Variants in RABGAP1L observed in about 807,000 individuals in gnomAD.
The protein encoded by RABGAP1L is rab GTPase-activating protein 1-like.
In RABGAP1L, 63 loss-of-function variants were observed where a neutral mutation model predicts 137.7. The observed-to-expected ratio is 0.46, with a 90% CI of 0.37 to 0.56. RABGAP1L has a LOEUF of 0.56. Among genes scored for constraint, RABGAP1L ranks in the 20% least tolerant of loss-of-function variants. The pLI is 0.00. For missense variants in RABGAP1L, 1,095 were observed against 1,244.0 expected (o/e 0.88, Z 1.80); for synonymous variants, 431 against 433.7 (o/e 0.99, Z 0.08).
intron 13 of RABGAP1L, among the ~76,000 whole-genome samples, chr1:174,538,900 G>A (rs1164850176): frequency 6.6e-6 from 1 of 152,094 alleles, no homozygotes; most frequent in African/African-American, 2.4e-5. Context: ...TGGTAAATTT[G>A]TCTTAAAATT....
chr1:174,916,007 C>T (rs1660805388), intron 19 of RABGAP1L, among the ~76,000 whole-genome samples: 1 of 147,168 alleles, frequency 6.8e-6, no homozygotes, highest in Non-Finnish European at 1.5e-5. Context: ...AAGACTTTCT[C>T]TTATGTTTTC....
chr1:174,645,606 A>G (rs1674903576), intron 14 of RABGAP1L, among the ~76,000 whole-genome samples: 1 of 151,970 alleles, frequency 6.6e-6, no homozygotes, highest in Admixed American at 6.6e-5. Flanking sequence ...CATTTTCTTT[A>G]TCCAGTCTAT....
At chr1:174,383,122 C>G (rs1420909314) in intron 12 of RABGAP1L, among the ~76,000 whole-genome samples, 9 of 150,504 alleles carry the variant, frequency 6.0e-5, no homozygotes, top group Middle Eastern at 3.4e-3. Flanking sequence ...GGTCAGGGAC[C>G]CACTTGAGGA....
chr1:174,940,655 G>T (rs1665713410), intron 19 of RABGAP1L, among the ~76,000 whole-genome samples: 2 of 151,982 alleles, frequency 1.3e-5, no homozygotes, highest in Non-Finnish European at 2.9e-5. Flanking sequence ...AACCAGTCTT[G>T]ATCCTTTTAC....
At chr1:174,754,997 G>T (rs1573040327) in intron 18 of RABGAP1L, among the ~76,000 whole-genome samples, 1 of 152,184 alleles carries the variant, frequency 6.6e-6, no homozygotes, top group African/African-American at 2.4e-5. Flanking sequence ...TTGTAGAATA[G>T]TAATGGTATT....
chr1:174,617,614 G>T (rs1436642461), intron 13 of RABGAP1L, among the ~76,000 whole-genome samples: 1 of 152,138 alleles, frequency 6.6e-6, no homozygotes, highest in African/African-American at 2.4e-5. Flanking sequence ...TTATAAAAGG[G>T]CATACAATGG....
intron 19 of RABGAP1L, among the ~76,000 whole-genome samples, chr1:174,887,955 T>C (rs1655444093): frequency 6.6e-6 from 1 of 151,994 alleles, no homozygotes; most frequent in Non-Finnish European, 1.5e-5. Context: ...GAGAATTGCT[T>C]GAACCTGGGA....
At chr1:174,169,949 A>T (rs549870451) in intron 1 of RABGAP1L, among the ~76,000 whole-genome samples, 1 of 152,310 alleles carries the variant, frequency 6.6e-6, no homozygotes, top group South Asian at 2.1e-4. Context: ...CCTTCCAAGC[A>T]TTGGAATTAC....
intron 13 of RABGAP1L, among the ~76,000 whole-genome samples, chr1:174,577,143 C>T (rs1401777710): frequency 1.3e-5 from 2 of 151,138 alleles, no homozygotes; most frequent in Admixed American, 1.3e-4. Flanking sequence ...TATGATAGCT[C>T]CATGATAGCA....
At chr1:174,352,470 C>A (rs1683284316) in intron 11 of RABGAP1L, among the ~76,000 whole-genome samples, 1 of 152,046 alleles carries the variant, frequency 6.6e-6, no homozygotes, top group Non-Finnish European at 1.5e-5. Flanking sequence ...ATTCTGAATT[C>A]TTTCTCTTTG....
intron 12 of RABGAP1L, among the ~76,000 whole-genome samples, chr1:174,377,012 T>G (rs1685606039): frequency 1.3e-5 from 2 of 152,242 alleles, no homozygotes; most frequent in South Asian, 4.1e-4. Context: ...TTTTACAATG[T>G]TAAAAGATAC....
intron 13 of RABGAP1L, among the ~76,000 whole-genome samples, chr1:174,488,059 T>C (rs1055734601): frequency 6.6e-6 from 1 of 152,162 alleles, no homozygotes; most frequent in Non-Finnish European, 1.5e-5. Flanking sequence ...GAGAAGTTTA[T>C]ATACCACAGT....
chr1:174,756,875 C>T (rs536984466), intron 18 of RABGAP1L: 14 of 625,538 alleles, frequency 2.2e-5, no homozygotes, highest in African/African-American at 3.7e-5. Flanking sequence ...ACACCACTCT[C>T]GAAGGCATCT....
At chr1:174,625,378 T>C (rs931519160) in intron 13 of RABGAP1L, among the ~76,000 whole-genome samples, 1 of 152,182 alleles carries the variant, frequency 6.6e-6, no homozygotes, top group African/African-American at 2.4e-5. Context: ...GTTTGTACTA[T>C]TCAGCAAACA....
chr1:174,253,475 A>G (rs1014584728), intron 7 of RABGAP1L, among the ~76,000 whole-genome samples: 11 of 152,170 alleles, frequency 7.2e-5, no homozygotes, highest in Non-Finnish European at 1.0e-4. Flanking sequence ...AAATAAAAGT[A>G]TCACTATTTA....
chr1:174,541,265 A>C (rs1483536942), intron 13 of RABGAP1L, among the ~76,000 whole-genome samples: 1 of 152,074 alleles, frequency 6.6e-6, no homozygotes, highest in African/African-American at 2.4e-5. Context: ...CCCTTTTCCT[A>C]ATTGAATATC....
chr1:174,960,058 T>C (rs917948649), intron 20 of RABGAP1L, among the ~76,000 whole-genome samples: 5 of 152,286 alleles, frequency 3.3e-5, no homozygotes, highest in African/African-American at 4.8e-5. Context: ...TTTGAGGGCA[T>C]TGAGTGAGAA....
At chr1:174,584,055 G>A (rs1668936342) in intron 13 of RABGAP1L, among the ~76,000 whole-genome samples, 1 of 152,076 alleles carries the variant, frequency 6.6e-6, no homozygotes, top group Non-Finnish European at 1.5e-5. Context: ...GTCAGCCTCA[G>A]TGCTTGTCCC....
chr1:174,657,913 GA>G (rs1389670368), intron 14 of RABGAP1L, among the ~76,000 whole-genome samples: 2 of 152,064 alleles, frequency 1.3e-5, no homozygotes, highest in East Asian at 3.8e-4. Context: ...ATGCCCCCAG[GA>G]AAAAGGCTTT....
Sources: allele counts gnomAD v4.1 joint callset (sites outside exome capture counted in the v4.1 genomes callset), GRCh38; gene constraint gnomAD v4.1.1; transcripts MANE v1.5; gene names NCBI Gene and HGNC (gene_info 2026-07-23, HGNC 2026-07-21).